The following C2orf69 variants were observed in gnomAD, a reference collection of about 807,000 sequenced individuals.
C2orf69 encodes chromosome 2 open reading frame 69.
In C2orf69, 19 loss-of-function variants were observed where a neutral mutation model predicts 29.5. The ratio of observed to expected loss-of-function variants is 0.65; its 90% confidence interval spans 0.45 to 0.95. The LOEUF (loss-of-function observed/expected upper bound fraction) is 0.95, where lower values mean the gene tolerates loss of function less well. Among genes scored for constraint, C2orf69 ranks in the 40% least tolerant of loss-of-function variants. The pLI is 0.00. For missense variants in C2orf69, 416 were observed against 482.1 expected (o/e 0.86, Z 1.28); for synonymous variants, 194 against 180.0 (o/e 1.08, Z -0.62).
At chr2:199,914,368 T>A (rs1395213447) in intron 1 of C2orf69, among the ~76,000 whole-genome samples, 2 of 152,204 alleles carry the variant, frequency 1.3e-5, no homozygotes, top group Non-Finnish European at 2.9e-5. Flanking sequence ...CTTCCTCATG[T>A]CATTAATGGA....
intron 1 of C2orf69, among the ~76,000 whole-genome samples, chr2:199,918,093 G>T (rs1559293617): frequency 6.6e-6 from 1 of 152,194 alleles, no homozygotes; most frequent in Non-Finnish European, 1.5e-5. Flanking sequence ...ACCGCCCCAT[G>T]ATTCAATTAC....
At position 199,911,455 on chromosome 2, in the gene C2orf69, T is replaced by C. The variant is rs975636316; in HGVS notation, c.17T>C (p.Leu6Pro). 84 of 1,543,416 alleles carry C rather than the reference T, an allele frequency of 5.4e-5. No individual in the cohort carries two copies. The highest frequency in any genetic ancestry group is 7.0e-5 in the Non-Finnish European group (80 of 1,143,744). The stretch of plus-strand genomic sequence containing the variant: ...CGGCGACCCATGTGGGGGTTCAGGC[T>C]CCTGCGGTCGCCGCCGTTGCTGCTC... MWGFRLLRSPPLLLLL... is the reference protein window; with the variant it reads MWGFRPLRSPPLLLLL... Residue 6 changes from leucine (L) to proline (P), a missense_variant, in exon 1 of 2, where the codon CTC (leucine) becomes CCC (proline). By Grantham distance (98) the Leu-to-Pro change is moderately conservative. Around this residue, in one of 4 missense-constraint regions of C2orf69, gnomAD observed 175 missense variants for 139.9 expected, o/e 1.25. Coordinates refer to ENST00000319974, the MANE Select transcript of C2orf69 (RefSeq NM_153689.6).
chr2:199,915,847 T>G (rs1384549058), intron 1 of C2orf69, among the ~76,000 whole-genome samples: 1 of 152,136 alleles, frequency 6.6e-6, no homozygotes, highest in African/African-American at 2.4e-5. Context: ...TACTGTTTCA[T>G]TATTTGGTGT....
At chr2:199,922,268 G>T (rs944136916) in intron 1 of C2orf69, among the ~76,000 whole-genome samples, 3 of 151,482 alleles carry the variant, frequency 2.0e-5, no homozygotes, top group South Asian at 2.1e-4. Flanking sequence ...GCCAATTTTT[G>T]TTGTTGTTGT....
chr2:199,912,244 A>C (rs995775921), intron 1 of C2orf69, among the ~76,000 whole-genome samples: 1 of 152,018 alleles, frequency 6.6e-6, no homozygotes, highest in Non-Finnish European at 1.5e-5. Context: ...CCTAAAAAAG[A>C]GTGGGGATGG....
At chr2:199,919,340 GAGTTATTTCC>G (rs985556707) in intron 1 of C2orf69, among the ~76,000 whole-genome samples, 3 of 152,288 alleles carry the variant, frequency 2.0e-5, no homozygotes, top group African/African-American at 7.2e-5. Context: ...ATAAACATTT[GAGTTATTTCC>G]AGTTTTAACT....
At chr2:199,914,486 CTAAAG>C (rs751874847) in intron 1 of C2orf69, among the ~76,000 whole-genome samples, 3 of 152,084 alleles carry the variant, frequency 2.0e-5, no homozygotes, top group Admixed American at 6.6e-5. Context: ...TTCAGTGTAT[CTAAAG>C]TAATCAGAAT....
At chr2:199,921,040 T>C (rs1423096153) in intron 1 of C2orf69, among the ~76,000 whole-genome samples, 2 of 115,452 alleles carry the variant, frequency 1.7e-5, no homozygotes, top group Non-Finnish European at 3.4e-5. Flanking sequence ...GGAGTCTTGC[T>C]CTGTTACCCA....
At chr2:199,913,552 T>C (rs1192186506) in intron 1 of C2orf69, among the ~76,000 whole-genome samples, 2 of 122,986 alleles carry the variant, frequency 1.6e-5, no homozygotes, top group Non-Finnish European at 3.4e-5. Flanking sequence ...ATATAAAATA[T>C]ATATATATTT....
At chr2:199,920,325 C>T (rs1401497518) in intron 1 of C2orf69, among the ~76,000 whole-genome samples, 4 of 152,072 alleles carry the variant, frequency 2.6e-5, no homozygotes, top group Admixed American at 2.0e-4. Flanking sequence ...AGTAATGATT[C>T]CATCTTTACA....
At chr2:199,913,237 T>C (rs1387488465) in intron 1 of C2orf69, among the ~76,000 whole-genome samples, 1 of 36,606 alleles carries the variant, frequency 2.7e-5, no homozygotes, top group Non-Finnish European at 5.2e-5. Flanking sequence ...TATTATAATA[T>C]ATATAATATA....
In C2orf69 at chr2:199,927,308, T is replaced by TAAAAAAA. The variant is rs57970244; in HGVS notation, c.*1436_*1442dup. 6.9e-5 allele frequency: 8 copies of TAAAAAAA among 115,470 alleles called. No homozygotes were observed. Among genetic ancestry groups the TAAAAAAA allele is most frequent in the East Asian group, 2.5e-4 (1 of 3,966 alleles). The allele number at this position is 115,470 out of a possible 1,614,324, so 7.2% of individuals were successfully genotyped here. On this transcript the variant is annotated 3_prime_UTR_variant, in exon 2 of 2. Coordinates refer to ENST00000319974, the MANE Select transcript of C2orf69 (RefSeq NM_153689.6). Reference sequence around the variant, plus strand: ...GGGAAGTAACATGCTGCTTTAGGACTAAAAAAAAAAAAAAAAAAAAGACAC... The same window carrying TAAAAAAA: ...GGGAAGTAACATGCTGCTTTAGGACTAAAAAAAAAAAAAAAAAAAAAAAAAAAGACAC...
At chr2:199,923,039 G>A (rs951506677) in intron 1 of C2orf69, among the ~76,000 whole-genome samples, 2 of 152,126 alleles carry the variant, frequency 1.3e-5, no homozygotes, top group Non-Finnish European at 2.9e-5. Context: ...GCTGTGTCTG[G>A]GTTATGTCCG....
chr2:199,916,490 T>G (rs1021280866), intron 1 of C2orf69, among the ~76,000 whole-genome samples: 2 of 152,076 alleles, frequency 1.3e-5, no homozygotes, highest in Non-Finnish European at 1.5e-5. Flanking sequence ...AACTCAAAAG[T>G]CTAAGTCCAA....
intron 1 of C2orf69, 41 bp downstream of exon 1, chr2:199,911,812 T>A (rs1352966534): frequency 1.3e-6 from 2 of 1,536,032 alleles, no homozygotes; most frequent in Non-Finnish European, 1.7e-6. Flanking sequence ...CTTCCTCTCG[T>A]GTATACGTAC....
intron 1 of C2orf69, among the ~76,000 whole-genome samples, chr2:199,913,192 T>TAA (rs2077275370): frequency 9.7e-6 from 1 of 102,752 alleles, no homozygotes; most frequent in Non-Finnish European, 1.8e-5. Flanking sequence ...ATTATATATA[T>TAA]TATATATAAT....
intron 1 of C2orf69, among the ~76,000 whole-genome samples, chr2:199,920,951 CTCA>C (rs2077313148): frequency 6.5e-5 from 2 of 30,654 alleles, no homozygotes; most frequent in African/African-American, 1.5e-4. Flanking sequence ...GCCTGAGACT[CTCA>C]AAAAAAAAAA....
chr2:199,918,019 G>A (rs1190107338), intron 1 of C2orf69, among the ~76,000 whole-genome samples: 1 of 152,162 alleles, frequency 6.6e-6, no homozygotes, highest in African/African-American at 2.4e-5. Context: ...GAGCAAAGAG[G>A]GGGATGAGCC....
chr2:199,927,026 A>G lies in C2orf69; in HGVS notation c.*1140A>G, dbSNP rs896119350. The G allele has an allele frequency of 2.0e-5, 3 of 152,640 alleles. No individual in the cohort carries two copies. Among genetic ancestry groups the G allele is most frequent in the Non-Finnish European group, 4.4e-5 (3 of 68,022 alleles). The allele number at this position is 152,640 out of a possible 1,614,324, so 9.5% of individuals were successfully genotyped here. A position where few individuals can be genotyped will look rare whatever the true frequency, so the allele number is the denominator to read the frequency against. The stretch of plus-strand genomic sequence containing the variant: ...GGCCAAAATGCAAAATTACATTGCT[A>G]TAAGAAAAGTTACAAGGGAAAGTTT... On this transcript the variant is annotated 3_prime_UTR_variant, in exon 2 of 2. Coordinates refer to ENST00000319974, the MANE Select transcript of C2orf69 (RefSeq NM_153689.6).
Sources: allele counts gnomAD v4.1 joint callset (sites outside exome capture counted in the v4.1 genomes callset), GRCh38; gene constraint gnomAD v4.1.1; regional missense constraint gnomAD v4.1.1; transcripts MANE v1.5; gene names NCBI Gene and HGNC (gene_info 2026-07-23, HGNC 2026-07-21).